UBE4B: variants seen among roughly 807,000 people sequenced by gnomAD.
UBE4B encodes ubiquitin conjugation factor E4 B.
In UBE4B, 27 loss-of-function variants were observed where a neutral mutation model predicts 148.1. The ratio of observed to expected loss-of-function variants is 0.18; its 90% confidence interval spans 0.13 to 0.25. The LOEUF (loss-of-function observed/expected upper bound fraction) is 0.25. Among genes scored for constraint, UBE4B ranks in the 10% least tolerant of loss-of-function variants. The probability of loss-of-function intolerance (pLI) is 1.00; values close to 1 mark genes in which losing one functional copy is unlikely to be tolerated. For synonymous variants in UBE4B, 596 were observed against 619.3 expected (o/e 0.96, Z 0.56); for missense variants, 1,170 against 1,662.4 (o/e 0.70, Z 5.15).
chr1:10,037,923 C>G (rs1643602575), intron 1 of UBE4B, among the ~76,000 whole-genome samples: 1 of 152,170 alleles, frequency 6.6e-6, no homozygotes, highest in South Asian at 2.1e-4. Flanking sequence ...TCTCTCCTAA[C>G]TCTTCTTTAT....
chr1:10,179,713 C>G (rs1646478169), intron 27 of UBE4B, 151 bp downstream of exon 27: 3 of 1,413,152 alleles, frequency 2.1e-6, no homozygotes, highest in African/African-American at 2.8e-5. Flanking sequence ...CCAAAACACT[C>G]TTGGCCCTTT....
Position 10,180,627 on chromosome 1 carries a change from C to G in UBE4B, c.*671C>G, listed in dbSNP as rs1346897335. The G allele has an allele frequency of 6.7e-6, 1 of 148,830 alleles. No homozygotes were observed. Among genetic ancestry groups the G allele is most frequent in the African/African-American group, 2.5e-5 (1 of 40,296 alleles). 9.2% of individuals were successfully genotyped at this position (148,830 alleles called of 1,614,324 possible). ...GAATTTGAATTTCAGTTTTTTTTTT[C>G]TTTTGAAATGTCCCTTTAAGATTTT... is the stretch of plus-strand genomic sequence containing the variant. On this transcript the variant is annotated 3_prime_UTR_variant, in exon 28 of 28. Coordinates refer to ENST00000343090, the MANE Select transcript of UBE4B (RefSeq NM_001105562.3).
Position 10,106,428 on chromosome 1 carries a change from G to A in UBE4B, c.1041G>A (p.Leu347=), listed in dbSNP as rs1414912030. Residue 347 remains leucine, a synonymous_variant, in exon 7 of 28, where the codon CTG becomes CTA. Coordinates refer to ENST00000343090, the MANE Select transcript of UBE4B (RefSeq NM_001105562.3). The surrounding 1 kb of genome is among the most constrained non-coding windows in gnomAD (Gnocchi z 4.2). ...HPWASSGVSI[L]SSSPSPPALA... ...GGGCGTCCTCAGGCGTCTCCATTCTGTCGAGCTCCCCAAGTCCCCCTGCCC... is the reference window on the plus strand; with the variant it reads ...GGGCGTCCTCAGGCGTCTCCATTCTATCGAGCTCCCCAAGTCCCCCTGCCC... The A allele has an allele frequency of 6.2e-7, 1 of 1,613,752 alleles. No homozygotes were observed. The highest frequency in any genetic ancestry group is 8.5e-7 in the Non-Finnish European group (1 of 1,179,842).
At chr1:10,107,452 C>T (rs1645134108) in intron 7 of UBE4B, 6 of 1,219,632 alleles carry the variant, frequency 4.9e-6, no homozygotes, top group Non-Finnish European at 5.2e-6. Context: ...TAACAAGGGG[C>T]GTGCTTTGAA....
At chr1:10,159,618 G>A (rs963808512) in intron 22 of UBE4B, among the ~76,000 whole-genome samples, 1 of 152,170 alleles carries the variant, frequency 6.6e-6, no homozygotes, top group Non-Finnish European at 1.5e-5. Flanking sequence ...CTGGGAGGCG[G>A]AGCTTGCAGT....
Position 10,171,272 on chromosome 1 carries a change from G to T in UBE4B, c.3468G>T (p.Thr1156=). The part of the protein sequence containing the change: ...FEPKKLLDQL[T]DIYLQLDCAR... ...CAAAGAAGCTGTTGGACCAACTGAC[G>T]GATATTTACTTACAGCTGGACTGTG... The change falls in exon 25 of 28, where the codon ACG becomes ACT. Residue 1156 remains threonine (T), a synonymous_variant. Coordinates refer to ENST00000343090, the MANE Select transcript of UBE4B (RefSeq NM_001105562.3). The T allele has an allele frequency of 1.2e-6, 2 of 1,614,140 alleles. No homozygotes were observed. Among genetic ancestry groups the T allele is most frequent in the Non-Finnish European group, 1.7e-6 (2 of 1,180,024 alleles).
intron 1 of UBE4B, among the ~76,000 whole-genome samples, chr1:10,037,642 C>T (rs1339416056): frequency 1.3e-5 from 2 of 152,144 alleles, no homozygotes; most frequent in African/African-American, 4.8e-5. Flanking sequence ...ACTGCAACCT[C>T]TGCCTCCTGG....
chr1:10,060,824 A>T (rs1384223756), intron 1 of UBE4B, among the ~76,000 whole-genome samples: 1 of 151,996 alleles, frequency 6.6e-6, no homozygotes, highest in Non-Finnish European at 1.5e-5. Context: ...CAGTGGTGCA[A>T]TTGTAGCTCA....
intron 25 of UBE4B, among the ~76,000 whole-genome samples, chr1:10,173,309 TCTA>T (rs764094463): frequency 1.3e-5 from 2 of 151,748 alleles, no homozygotes; most frequent in Non-Finnish European, 2.9e-5. Context: ...AAACCCCGTC[TCTA>T]CTAAAAAAAA....
intron 25 of UBE4B, among the ~76,000 whole-genome samples, chr1:10,175,487 T>TA (rs1275828007): frequency 1.5e-4 from 22 of 143,510 alleles, no homozygotes; most frequent in Admixed American, 2.7e-4. Flanking sequence ...CCATCTCTAC[T>TA]AAAAATACAA....
intron 21 of UBE4B, among the ~76,000 whole-genome samples, chr1:10,156,594 G>A (rs1646076556): frequency 6.6e-6 from 1 of 151,990 alleles, no homozygotes; most frequent in Non-Finnish European, 1.5e-5. Flanking sequence ...TTCAGAATTG[G>A]GTGCAGATAT....
At chr1:10,154,485 C>T (rs956219656) in intron 21 of UBE4B, among the ~76,000 whole-genome samples, 1 of 152,010 alleles carries the variant, frequency 6.6e-6, no homozygotes, top group African/African-American at 2.4e-5. Context: ...GAAATAATTA[C>T]GAATGTTTGT....
At chr1:10,167,074 G>C (rs1316139639) in intron 23 of UBE4B, among the ~76,000 whole-genome samples, 1 of 151,980 alleles carries the variant, frequency 6.6e-6, no homozygotes, top group Non-Finnish European at 1.5e-5. Context: ...GGAGGTTACA[G>C]TGAGCCGAGA....
At chr1:10,128,263 C>G (rs965325548) in intron 11 of UBE4B, 1 of 152,138 alleles carries the variant, frequency 6.6e-6, no homozygotes, top group African/African-American at 2.4e-5. Context: ...ACCAAAATGT[C>G]CTTTTGTTCA....
chr1:10,086,108 A>T (rs1161014946), intron 2 of UBE4B, among the ~76,000 whole-genome samples: 1 of 152,066 alleles, frequency 6.6e-6, no homozygotes, highest in East Asian at 1.9e-4. Context: ...AGTAGCTGGG[A>T]CTACAGGCGC....
rs966342929 is a variant in UBE4B, at chr1:10,181,063, A to G, written c.*1107A>G. ...CCTACTTAACATACTTGAATTCTCA[A>G]ATTTCCTTTGGGGTAAAAAAAAAAA... On this transcript the variant is annotated 3_prime_UTR_variant, in exon 28 of 28. Transcript: ENST00000343090. The G allele has an allele frequency of 7.3e-6, 1 of 137,000 alleles. No individual in the cohort carries two copies. The highest frequency in any genetic ancestry group is 3.0e-5 in the African/African-American group (1 of 32,936). 8.5% of individuals were successfully genotyped at this position (137,000 alleles called of 1,614,324 possible).
In UBE4B at chr1:10,171,271, C is replaced by T; in HGVS notation, c.3467C>T (p.Thr1156Met). The T allele has an allele frequency of 6.2e-7, 1 of 1,614,166 alleles. No homozygotes were observed. Among genetic ancestry groups the T allele is most frequent in the Non-Finnish European group, 8.5e-7 (1 of 1,180,036 alleles). The change falls in exon 25 of 28, where the codon ACG (threonine) becomes ATG (methionine). Residue 1156 changes from threonine (T) to methionine (M), a missense_variant. By Grantham distance (81) the Thr-to-Met change is moderately conservative. Around this residue, in one of 6 missense-constraint regions of UBE4B, gnomAD observed 348 missense variants for 627.2 expected, o/e 0.55. Coordinates refer to ENST00000343090, the MANE Select transcript of UBE4B (RefSeq NM_001105562.3). ...CCAAAGAAGCTGTTGGACCAACTGA[C>T]GGATATTTACTTACAGCTGGACTGT... Reference protein sequence around the residue: ...FEPKKLLDQLTDIYLQLDCAR... With the variant: ...FEPKKLLDQLMDIYLQLDCAR...
intron 17 of UBE4B, among the ~76,000 whole-genome samples, chr1:10,138,137 G>A (rs538572307): frequency 2.0e-5 from 3 of 148,682 alleles, no homozygotes; most frequent in Non-Finnish European, 3.0e-5. Context: ...TCACTCTGTA[G>A]TCCAGGCTGG....
At chr1:10,050,167 G>A (rs1644004020) in intron 1 of UBE4B, among the ~76,000 whole-genome samples, 1 of 152,166 alleles carries the variant, frequency 6.6e-6, no homozygotes, top group South Asian at 2.1e-4. Context: ...CACTTCTGGG[G>A]TTCAAGCAAT....
Sources: gnomAD v4.1 joint callset for allele counts (sites outside exome capture counted in the v4.1 genomes callset) on GRCh38, gnomAD v4.1.1 for gene constraint, gnomAD v4.1.1 regional missense constraint, Gnocchi (gnomAD v3.1) non-coding constraint, MANE v1.5 for transcripts, NCBI Gene and HGNC (gene_info 2026-07-23, HGNC 2026-07-21) for gene names.